The following APPL2 variants were observed in gnomAD, a reference collection of about 807,000 sequenced individuals.
The protein encoded by APPL2 is DCC-interacting protein 13-beta.
In APPL2, 84 loss-of-function variants were observed where a neutral mutation model predicts 92.7. That is an observed-to-expected ratio of 0.91 (90% CI 0.76 to 1.09). The LOEUF is 1.09. Ranked by LOEUF, APPL2 falls within the 50% of genes least tolerant of loss-of-function variation. APPL2 has a pLI of 0.00. For synonymous variants in APPL2, 291 were observed against 291.0 expected, an observed-to-expected ratio of 1.00 and a Z score of 0.00; for missense variants, 736 against 824.5, an observed-to-expected ratio of 0.89 and a Z score of 1.31.
intron 2 of APPL2, among the ~76,000 whole-genome samples, chr12:105,221,269 C>A (rs182136153): frequency 6.6e-6 from 1 of 152,314 alleles, no homozygotes; most frequent in Admixed American, 6.5e-5. Context: ...AAGATAGCTG[C>A]TAACCCTGAG....
chr12:105,228,319 G>A (rs886254003), intron 2 of APPL2, among the ~76,000 whole-genome samples: 2 of 152,138 alleles, frequency 1.3e-5, no homozygotes, highest in Admixed American at 6.5e-5. Flanking sequence ...TGAGCATTTC[G>A]TTTATGTGTC....
At chr12:105,221,400 A>C (rs1242818928) in intron 2 of APPL2, among the ~76,000 whole-genome samples, 2 of 152,238 alleles carry the variant, frequency 1.3e-5, no homozygotes, top group African/African-American at 2.4e-5. Context: ...GTGGAGACTA[A>C]GCTTCAGAAA....
chr12:105,231,428 A>C (rs973447665), intron 1 of APPL2, among the ~76,000 whole-genome samples: 9 of 152,222 alleles, frequency 5.9e-5, no homozygotes, highest in Non-Finnish European at 8.8e-5. Flanking sequence ...ACTTCATTTA[A>C]TTCTTCTAGC....
chr12:105,200,898 ATC>A lies in APPL2; in HGVS notation c.705-1369_705-1368del, dbSNP rs1204956805. On this transcript the variant is annotated intron_variant, in intron 9 of 20. Transcript: ENST00000258530. ...TATCTATCTATCTATCTATCTATCTATCTATCCTATCTATCTAATCTATTCAT... is the reference window on the plus strand; with the variant it reads ...TATCTATCTATCTATCTATCTATCTATATCCTATCTATCTAATCTATTCAT... 1.5e-3 allele frequency among the ~76,000 whole-genome samples: 221 copies of A among 142,598 alleles called. 1 individual carries two copies. Among genetic ancestry groups the A allele is most frequent in the African/African-American group, 5.6e-3 (213 of 38,050 alleles). 93.5% of individuals were successfully genotyped at this position (142,598 alleles called of 152,430 possible). A position where few individuals can be genotyped will look rare whatever the true frequency, so the allele number is the denominator to read the frequency against.
intron 17 of APPL2, among the ~76,000 whole-genome samples, chr12:105,187,482 A>G (rs895892203): frequency 2.2e-4 from 34 of 152,248 alleles, no homozygotes; most frequent in African/African-American, 7.2e-4. Flanking sequence ...TTAAGGTCAC[A>G]TAACTAAGAA....
rs1891213315 is a variant in APPL2, at chr12:105,236,120, C to T, written c.-108G>A. On this transcript the variant is annotated 5_prime_UTR_variant, in exon 1 of 21. Transcript: ENST00000258530. ...GGCTCAGGCGACGCGGCGGCCACTC[C>T]GTGCCCGCGGCGGCCCCGCGCGCGT... is the stretch of plus-strand genomic sequence containing the variant. The T allele has an allele frequency of 1.2e-6, 1 of 805,814 alleles. No individual in the cohort carries two copies. The highest frequency in any genetic ancestry group is 1.6e-6 in the Non-Finnish European group (1 of 622,518). The allele number at this position is 805,814 out of a possible 1,614,324, so 49.9% of individuals were successfully genotyped here.
At chr12:105,207,621 C>T (rs747210243) in intron 7 of APPL2, among the ~76,000 whole-genome samples, 11 of 152,066 alleles carry the variant, frequency 7.2e-5, no homozygotes, top group Non-Finnish European at 7.4e-5. Context: ...TCTAGAGTAG[C>T]GAAGGTCCTA....
chr12:105,198,013 G>A (rs1225921664), intron 10 of APPL2, 60 bp from the exon 11 acceptor site: 29 of 1,543,920 alleles, frequency 1.9e-5, no homozygotes, highest in Non-Finnish European at 2.3e-5. Context: ...CCACCTCCAA[G>A]TCTTGCTACC....
intron 14 of APPL2, among the ~76,000 whole-genome samples, chr12:105,190,989 T>C (rs900933538): frequency 2.0e-5 from 3 of 152,372 alleles, no homozygotes; most frequent in Non-Finnish European, 4.4e-5. Flanking sequence ...AGAATATCAA[T>C]GTATTTTGAT....
chr12:105,216,468 T>G (rs1889703614), intron 4 of APPL2, among the ~76,000 whole-genome samples: 1 of 151,776 alleles, frequency 6.6e-6, no homozygotes, highest in East Asian at 1.9e-4. Context: ...AAAGAGTCTT[T>G]GCAGATGTAA....
rs77377794 is a variant in APPL2 at position 105,217,804 on chromosome 12, C to T, written c.154-79G>A. 4.5e-4 allele frequency: 622 copies of T among 1,384,292 alleles called. No individual in the cohort carries two copies. In the African/African-American group the frequency reaches 7.2e-3, roughly 16 times the overall value. 85.8% of individuals were successfully genotyped at this position (1,384,292 alleles called of 1,614,324 possible). On this transcript the variant is annotated intron_variant, in intron 2 of 20. Coordinates refer to ENST00000258530, the MANE Select transcript of APPL2 (RefSeq NM_018171.5). ...CTGAAAAATGCCATCTCTGAGAATCCCTTAAAAAGTAATATTGGCTGGGTC... is the reference window on the plus strand; with the variant it reads ...CTGAAAAATGCCATCTCTGAGAATCTCTTAAAAAGTAATATTGGCTGGGTC...
chr12:105,193,718 CTCT>C (rs898924903), intron 14 of APPL2, among the ~76,000 whole-genome samples: 1 of 152,180 alleles, frequency 6.6e-6, no homozygotes, highest in Non-Finnish European at 1.5e-5. Flanking sequence ...CCTCTTTCTC[CTCT>C]TTTTTAAAAA....
chr12:105,202,030 T>G lies in APPL2; in HGVS notation c.704+1673A>C, dbSNP rs117220956. Among the ~76,000 whole-genome samples, 279 of 152,302 alleles carry G rather than the reference T, an allele frequency of 1.8e-3. 1 individual carries two copies. Among genetic ancestry groups the G allele is most frequent in the Admixed American group, 4.1e-3 (63 of 15,300 alleles). ...GCATGGCAATGCTGCAGCAAAACCA[T>G]CCCTTGGTTTGGAGAAAAGTGGTCA... On this transcript the variant is annotated intron_variant, in intron 9 of 20. Transcript: ENST00000258530.
chr12:105,201,485 CAA>C (rs931984167), intron 9 of APPL2, among the ~76,000 whole-genome samples: 1 of 152,070 alleles, frequency 6.6e-6, no homozygotes, highest in African/African-American at 2.4e-5. Flanking sequence ...AGATGTGATA[CAA>C]GAGAAGGATC....
chr12:105,177,465 A>G (rs1885665369), intron 17 of APPL2: 2 of 588,550 alleles, frequency 3.4e-6, no homozygotes, highest in Admixed American at 6.0e-5. Flanking sequence ...CAGGGTACCT[A>G]TAATGGAAGA....
At position 105,195,363 on chromosome 12, in the gene APPL2, G is replaced by A. The variant is rs775913540; in HGVS notation, c.1153-14C>T. On this transcript the variant is annotated splice_polypyrimidine_tract_variant and intron_variant, in intron 13 of 20. Coordinates refer to ENST00000258530, the MANE Select transcript of APPL2 (RefSeq NM_018171.5). ...GATCGCGACTGCCTAAAAATCCACA[G>A]GAAGACACACTCAGTCCCAGGAGGT... 6 of 1,614,138 alleles carry A rather than the reference G, an allele frequency of 3.7e-6. No homozygotes were observed. Among genetic ancestry groups the A allele is most frequent in the Non-Finnish European group, 5.1e-6 (6 of 1,180,004 alleles).
rs769739514 is a variant in APPL2, at chr12:105,188,253, G to C, written c.1634+20C>G. 23 of 1,612,388 alleles carry C rather than the reference G, an allele frequency of 1.4e-5. No individual in the cohort carries two copies. Among genetic ancestry groups the C allele is most frequent in the Non-Finnish European group, 6.8e-6 (8 of 1,178,842 alleles). ...ATTAGCTGAAGCCATAAGAAAGTCT[G>C]AAAATAAAACTGAACGTACCTCAAA... On this transcript the variant is annotated intron_variant, in intron 17 of 20. Coordinates refer to ENST00000258530, the MANE Select transcript of APPL2 (RefSeq NM_018171.5).
At position 105,190,094 on chromosome 12, in the gene APPL2, C is replaced by T; in HGVS notation, c.1303G>A (p.Ala435Thr). The change falls in exon 15 of 21, where the codon GCC becomes ACC. Residue 435 changes from alanine (A) to threonine (T), a missense_variant. Physicochemically the swap from Ala to Thr is moderately conservative, Grantham distance 58 (BLOSUM62 0). Transcript: ENST00000258530. Reference protein sequence around the residue: ...ENDKIVPKATASLPEAEELIA... With the variant: ...ENDKIVPKATTSLPEAEELIA... ...AGCTCCTCTGCTTCAGGTAGACTGG[C>T]TGTTGCTTTGGGAACAATCTTGTCA... The T allele has an allele frequency of 6.2e-7, 1 of 1,614,180 alleles. No homozygotes were observed. Among genetic ancestry groups the T allele is most frequent in the South Asian group, 1.1e-5 (1 of 91,084 alleles).
At position 105,179,512 on chromosome 12, in the gene APPL2, C is replaced by T. The variant is rs1020009576; in HGVS notation, c.1635-2250G>A. Among the ~76,000 whole-genome samples the T allele has an allele frequency of 4.6e-5, 7 of 152,140 alleles. 1 individual carries two copies. The highest frequency in any genetic ancestry group is 1.7e-4 in the African/African-American group (7 of 41,410). On this transcript the variant is annotated intron_variant, in intron 17 of 20. Transcript: ENST00000258530. ...GGGTATGTACCCAGTAATGGGATTGCTGGGTCAAATGGTTATTTCTGGTTC... is the reference window on the plus strand; with the variant it reads ...GGGTATGTACCCAGTAATGGGATTGTTGGGTCAAATGGTTATTTCTGGTTC...
Sources: allele counts gnomAD v4.1 joint callset (sites outside exome capture counted in the v4.1 genomes callset), GRCh38; gene constraint gnomAD v4.1.1; transcripts MANE v1.5; gene names NCBI Gene and HGNC (gene_info 2026-07-23, HGNC 2026-07-21).